Variants in FAM53A observed in about 807,000 individuals in gnomAD.
FAM53A encodes the protein family with sequence similarity 53 member A, also known as protein FAM53A.
A neutral mutation model predicts 26.6 loss-of-function variants in FAM53A; 28 were observed. The ratio of observed to expected loss-of-function variants is 1.05; its 90% CI spans 0.78 to 1.45. FAM53A has a LOEUF of 1.45. FAM53A is among the 40% of genes most tolerant of loss of function. The pLI is 0.00. For missense variants in FAM53A, 650 were observed against 575.8 expected (o/e 1.13, Z -1.32); for synonymous variants, 290 against 253.1 (o/e 1.15, Z -1.38).
upstream of FAM53A, among the ~76,000 whole-genome samples, chr4:1,685,533 C>T (rs1280416441): frequency 2.6e-5 from 4 of 152,172 alleles, no homozygotes; most frequent in East Asian, 7.7e-4. Context: ...GGGGAGGCAT[C>T]GGGGCTCCCA....
At chr4:1,590,890 A>G in the FAM53A span, among the ~76,000 whole-genome samples, 2 of 147,630 alleles carry the variant, frequency 1.4e-5, no homozygotes, top group African/African-American at 5.0e-5. Context: ...CAGTTTAGTC[A>G]TATATTTCTC....
At chr4:1,629,032 G>C (rs1577089626) in intron 1 of FAM53A, among the ~76,000 whole-genome samples, 1 of 151,906 alleles carries the variant, frequency 6.6e-6, no homozygotes, top group Admixed American at 6.5e-5. Context: ...AGGGGCCGTG[G>C]GGTTCTCCTC....
chr4:1,641,678 A>G, intron 4 of FAM53A, 71 bp from the exon 5 acceptor site: 1 of 1,510,826 alleles, frequency 6.6e-7, no homozygotes, highest in Non-Finnish European at 9.1e-7. Flanking sequence ...CCACCAACCC[A>G]TCGAGGGCTC....
rs1403087718 is a variant in FAM53A at position 1,651,206 on chromosome 4, G to C, written c.882+3772C>G. On this transcript the variant is annotated intron_variant, in intron 4 of 4. Transcript: ENST00000308132. ...TTCCATTGCTCACCAGCCTGGGACA[G>C]AGCGAGACTCCATCTCGAAAAAAAA... Among the ~76,000 whole-genome samples the C allele has an allele frequency of 2.8e-5, 4 of 140,376 alleles. No individual in the cohort carries two copies. The Admixed American group carries it at 3.0e-4, about 10-fold the overall frequency. The allele number at this position is 140,376 out of a possible 152,430, so 92.1% of individuals were successfully genotyped here. A position where few individuals can be genotyped will look rare whatever the true frequency, so the allele number is the denominator to read the frequency against.
intron 1 of FAM53A, among the ~76,000 whole-genome samples, chr4:1,626,559 G>A (rs1356289440): frequency 6.6e-6 from 1 of 151,118 alleles, no homozygotes; most frequent in East Asian, 2.0e-4. Flanking sequence ...GAGCCCGGGG[G>A]GACCCGGGGA....
At chr4:1,605,750 A>G in the FAM53A span, among the ~76,000 whole-genome samples, 1 of 152,104 alleles carries the variant, frequency 6.6e-6, no homozygotes. The surrounding 1 kb of genome is among the most constrained non-coding windows in gnomAD (Gnocchi z 5.7). Flanking sequence ...CACCGCCCGC[A>G]GCAGTTCTGA....
intron 4 of FAM53A, among the ~76,000 whole-genome samples, chr4:1,643,814 G>A (rs537687907): frequency 3.3e-5 from 5 of 151,926 alleles, no homozygotes; most frequent in East Asian, 1.9e-4. Flanking sequence ...CAATCCTCCC[G>A]CCTCAGCCTC....
chr4:1,656,624 T>C (rs142072251), intron 3 of FAM53A, among the ~76,000 whole-genome samples: 1 of 152,196 alleles, frequency 6.6e-6, no homozygotes, highest in Non-Finnish European at 1.5e-5. Context: ...GTGTGCAGGA[T>C]GAACCCCAGG....
intron 1 of FAM53A, among the ~76,000 whole-genome samples, chr4:1,629,970 G>C (rs1258631404): frequency 6.6e-6 from 1 of 152,172 alleles, no homozygotes; most frequent in African/African-American, 2.4e-5. Context: ...ATGCCGGATG[G>C]AGCTTCCCCT....
chr4:1,683,484 T>C (rs798726), intron 1 of FAM53A: 113,308 of 152,160 alleles, frequency 0.74, 42,769 homozygotes, highest in East Asian at 0.89. Flanking sequence ...CGATCTGTAA[T>C]GGACTGAACA....
upstream of FAM53A, among the ~76,000 whole-genome samples, chr4:1,685,342 TG>T (rs1715752163): frequency 6.6e-6 from 1 of 150,956 alleles, no homozygotes; most frequent in Non-Finnish European, 1.5e-5. Flanking sequence ...GAGGGTTTGG[TG>T]GGGGTGGGGA....
the FAM53A span, among the ~76,000 whole-genome samples, chr4:1,582,127 C>A: frequency 6.6e-6 from 1 of 152,224 alleles, no homozygotes; most frequent in Non-Finnish European, 1.5e-5. Context: ...AACAGCCGAA[C>A]CTTGTCAGCA....
the FAM53A span, among the ~76,000 whole-genome samples, chr4:1,597,010 C>T: frequency 6.6e-6 from 1 of 152,176 alleles, no homozygotes; most frequent in Non-Finnish European, 1.5e-5. Context: ...CGCATCTCCC[C>T]TACTTCAACG....
chr4:1,680,456 C>T (rs939011907), intron 1 of FAM53A, among the ~76,000 whole-genome samples: 2 of 151,928 alleles, frequency 1.3e-5, no homozygotes, highest in African/African-American at 2.4e-5. Context: ...GTACATGATC[C>T]AGCAATCCTG....
chr4:1,574,791 C>T, the FAM53A span, among the ~76,000 whole-genome samples: 38 of 152,334 alleles, frequency 2.5e-4, no homozygotes, highest in East Asian at 3.1e-3. Context: ...GGTCAGCGGG[C>T]GGCAGGCTCA....
chr4:1,648,613 G>A (rs538989362), intron 4 of FAM53A, among the ~76,000 whole-genome samples: 3 of 152,262 alleles, frequency 2.0e-5, no homozygotes, highest in South Asian at 2.1e-4. Context: ...CGATGACTAC[G>A]GTCACACTGA....
At chr4:1,595,209 C>T in the FAM53A span, among the ~76,000 whole-genome samples, 1 of 152,236 alleles carries the variant, frequency 6.6e-6, no homozygotes, top group African/African-American at 2.4e-5. Flanking sequence ...GACCCCCGCC[C>T]ACCTCCAGGC....
chr4:1,621,178 C>T (rs541512129), intron 1 of FAM53A, among the ~76,000 whole-genome samples: 2 of 140,442 alleles, frequency 1.4e-5, no homozygotes, highest in African/African-American at 5.2e-5. Flanking sequence ...TCTCGGCTCA[C>T]TACAGGCTCC....
At chr4:1,666,438 GA>G (rs1294802767) in intron 2 of FAM53A, among the ~76,000 whole-genome samples, 7 of 150,604 alleles carry the variant, frequency 4.6e-5, no homozygotes, top group South Asian at 2.1e-4. Context: ...AATAAAAGCT[GA>G]AAAAAAAAGA....
Sources: gnomAD v4.1 joint callset for allele counts (sites outside exome capture counted in the v4.1 genomes callset) on GRCh38, gnomAD v4.1.1 for gene constraint, Gnocchi (gnomAD v3.1) non-coding constraint, MANE v1.5 for transcripts, NCBI Gene and HGNC (gene_info 2026-07-23, HGNC 2026-07-21) for gene names.